ARHGAP5: variants seen among roughly 807,000 people sequenced by gnomAD.
ARHGAP5 encodes the protein Rho GTPase activating protein 5.
A neutral mutation model predicts 116.6 loss-of-function variants in ARHGAP5; 23 were observed. The ratio of observed to expected loss-of-function variants is 0.20; its 90% confidence interval spans 0.14 to 0.28. The LOEUF (loss-of-function observed/expected upper bound fraction) is 0.28. Among genes scored for constraint, ARHGAP5 ranks in the 10% least tolerant of loss-of-function variants. The pLI is 1.00. For missense variants in ARHGAP5, 1,405 were observed against 1,774.8 expected (o/e 0.79, Z 3.74); for synonymous variants, 574 against 602.0 (o/e 0.95, Z 0.68).
Position 32,092,636 on chromosome 14 carries a change from A to G in ARHGAP5, c.1967A>G (p.His656Arg), listed in dbSNP as rs200687781. ...TTATGGACTGCCGCCTTTAAACCAC[A>G]TGGGTGCTTCTGTGTATTTAATTCC... ...SQLWTAAFKP[H>R]GCFCVFNSIE... Residue 656 changes from histidine (H) to arginine (R), a missense_variant, in exon 2 of 7, where the codon CAT (histidine) becomes CGT (arginine). Around this residue, in one of 6 missense-constraint regions of ARHGAP5, gnomAD observed 944 missense variants for 1,095.3 expected, o/e 0.86. Coordinates refer to ENST00000345122, the MANE Select transcript of ARHGAP5 (RefSeq NM_001030055.2). This position sits in a 1 kb window ranked among gnomAD's most constrained non-coding sequence, Gnocchi z 4.1. 2.5e-6 allele frequency: 4 copies of G among 1,613,912 alleles called. No individual in the cohort carries two copies. The highest frequency in any genetic ancestry group is 2.5e-6 in the Non-Finnish European group (3 of 1,179,880).
At chr14:32,137,511 C>T (rs891898883) in intron 3 of ARHGAP5, among the ~76,000 whole-genome samples, 22 of 151,918 alleles carry the variant, frequency 1.4e-4, no homozygotes, top group African/African-American at 3.4e-4. Flanking sequence ...TAGAGTTCTT[C>T]GGTTTTTTCT....
intron 2 of ARHGAP5, among the ~76,000 whole-genome samples, chr14:32,096,973 C>T (rs957722099): frequency 7.2e-5 from 11 of 152,188 alleles, no homozygotes; most frequent in Non-Finnish European, 1.6e-4. Context: ...AAGAACTTGG[C>T]AGCACAACCT....
At chr14:32,131,946 G>A (rs1194200377) in intron 3 of ARHGAP5, among the ~76,000 whole-genome samples, 1 of 152,286 alleles carries the variant, frequency 6.6e-6, no homozygotes, top group South Asian at 2.1e-4. Flanking sequence ...AGTATTCCAT[G>A]GTGTATATGT....
chr14:32,133,918 TC>T (rs1238092693), intron 3 of ARHGAP5, among the ~76,000 whole-genome samples: 1 of 152,172 alleles, frequency 6.6e-6, no homozygotes, highest in Non-Finnish European at 1.5e-5. Context: ...CAGCCTTGCA[TC>T]CCAGGGATGT....
At chr14:32,096,395 C>T (rs917587992) in intron 2 of ARHGAP5, among the ~76,000 whole-genome samples, 1 of 151,836 alleles carries the variant, frequency 6.6e-6, no homozygotes, top group African/African-American at 2.4e-5. Context: ...AAAGTAAAGG[C>T]TAAAAGCTGA....
At chr14:32,140,189 AC>A (rs1301825808) in intron 3 of ARHGAP5, among the ~76,000 whole-genome samples, 5 of 143,980 alleles carry the variant, frequency 3.5e-5, no homozygotes, top group Non-Finnish European at 7.4e-5. Context: ...ACATATGTAT[AC>A]ATGTGCCATG....
At chr14:32,131,821 G>A (rs549366013) in intron 3 of ARHGAP5, among the ~76,000 whole-genome samples, 43 of 152,086 alleles carry the variant, frequency 2.8e-4, no homozygotes, top group Non-Finnish European at 5.1e-4. Context: ...ACCTATGAGT[G>A]AGAACATGCG....
At chr14:32,083,981 T>C (rs539251388) in intron 1 of ARHGAP5, among the ~76,000 whole-genome samples, 13 of 152,290 alleles carry the variant, frequency 8.5e-5, no homozygotes, top group East Asian at 7.7e-4. Context: ...TAAATACTTA[T>C]AGTTGTTTAC....
intron 3 of ARHGAP5, among the ~76,000 whole-genome samples, chr14:32,136,054 G>T (rs1214382165): frequency 6.6e-6 from 1 of 152,008 alleles, no homozygotes; most frequent in Non-Finnish European, 1.5e-5. Context: ...TGGGAGCTAG[G>T]TTCAATAAGT....
chr14:32,127,541 C>T (rs1343555736), intron 3 of ARHGAP5, among the ~76,000 whole-genome samples: 1 of 152,218 alleles, frequency 6.6e-6, no homozygotes, highest in Non-Finnish European at 1.5e-5. Flanking sequence ...TTTCTTAGTA[C>T]AGAACAAAAT....
intron 1 of ARHGAP5, among the ~76,000 whole-genome samples, chr14:32,079,611 C>T (rs555829680): frequency 1.4e-4 from 21 of 152,024 alleles, no homozygotes; most frequent in Middle Eastern, 6.8e-3. Context: ...TTTGAAGTAG[C>T]GATAATAAGT....
chr14:32,150,458 G>C (rs1162533912), intron 5 of ARHGAP5, among the ~76,000 whole-genome samples: 1 of 152,180 alleles, frequency 6.6e-6, no homozygotes, highest in African/African-American at 2.4e-5. Flanking sequence ...ATTTCTTACA[G>C]TTCTAGAGGC....
chr14:32,121,751 C>G (rs892296163), intron 3 of ARHGAP5, among the ~76,000 whole-genome samples: 9 of 152,172 alleles, frequency 5.9e-5, no homozygotes, highest in Non-Finnish European at 1.0e-4. Flanking sequence ...CAATCACTTT[C>G]TATTCCCCAC....
chr14:32,153,517 G>A (rs1279780633), intron 6 of ARHGAP5, among the ~76,000 whole-genome samples: 14 of 135,446 alleles, frequency 1.0e-4, no homozygotes, highest in African/African-American at 3.6e-4. Context: ...TCTGTCGCCA[G>A]GCTGGAGTTC....
At chr14:32,142,135 G>A (rs997126904) in intron 3 of ARHGAP5, among the ~76,000 whole-genome samples, 15 of 152,102 alleles carry the variant, frequency 9.9e-5, no homozygotes, top group East Asian at 5.8e-4. Flanking sequence ...TATTCAGTTC[G>A]TTGAGTCATC....
chr14:32,114,607 T>G (rs559347577), intron 2 of ARHGAP5, among the ~76,000 whole-genome samples: 3 of 152,202 alleles, frequency 2.0e-5, no homozygotes, highest in African/African-American at 7.2e-5. Flanking sequence ...TAGTTGTGTT[T>G]GGTTTAATCT....
Position 32,094,274 on chromosome 14 carries a change from C to A in ARHGAP5, c.3605C>A (p.Ser1202Tyr). Residue 1202 changes from serine (S) to tyrosine (Y), a missense_variant, in exon 2 of 7, where the codon TCT becomes TAT. Physicochemically the swap from Ser to Tyr is moderately radical, Grantham distance 144. This residue lies in a region of ARHGAP5 where 5 missense variants were observed against 22.7 expected (regional missense o/e 0.22). Coordinates refer to ENST00000345122, the MANE Select transcript of ARHGAP5 (RefSeq NM_001030055.2). ...GGAAGTGAAGAAGATCCACTTCTTT[C>A]TCCTGTTGAAACTTGGAAAGGTGGT... ...HRGSEEDPLLSPVETWKGGID... is the reference protein window; with the variant it reads ...HRGSEEDPLLYPVETWKGGID... 1 of 1,613,876 alleles carries A rather than the reference C, an allele frequency of 6.2e-7. No individual in the cohort carries two copies. The highest frequency in any genetic ancestry group is 8.5e-7 in the Non-Finnish European group (1 of 1,179,914).
Position 32,152,544 on chromosome 14 carries a change from T to C in ARHGAP5, c.4181+16T>C. 1 of 1,473,190 alleles carries C rather than the reference T, an allele frequency of 6.8e-7. No homozygotes were observed. Among genetic ancestry groups the C allele is most frequent in the South Asian group, 1.3e-5 (1 of 75,942 alleles). 91.3% of individuals were successfully genotyped at this position (1,473,190 alleles called of 1,614,324 possible). On this transcript the variant is annotated intron_variant, in intron 6 of 6. Transcript: ENST00000345122. Reference sequence around the variant, plus strand: ...ATCTAAACAGGTATTTTTATTTTTTTAGGGTTTTTTGGCAAATAAAATGCA... The same window carrying C: ...ATCTAAACAGGTATTTTTATTTTTTCAGGGTTTTTTGGCAAATAAAATGCA...
chr14:32,126,403 A>G (rs1427514044), intron 3 of ARHGAP5, among the ~76,000 whole-genome samples: 1 of 152,068 alleles, frequency 6.6e-6, no homozygotes, highest in Non-Finnish European at 1.5e-5. Context: ...CAGCTGTATT[A>G]CTACAATCTC....
Sources: allele counts gnomAD v4.1 joint callset (sites outside exome capture counted in the v4.1 genomes callset), GRCh38; gene constraint gnomAD v4.1.1; regional missense constraint gnomAD v4.1.1; non-coding constraint Gnocchi (gnomAD v3.1); transcripts MANE v1.5; gene names NCBI Gene and HGNC (gene_info 2026-07-23, HGNC 2026-07-21).